PRDM16: variants seen among roughly 807,000 people sequenced by gnomAD.
PRDM16 encodes the protein histone-lysine N-methyltransferase PRDM16.
A neutral mutation model predicts 110.6 loss-of-function variants in PRDM16; 23 were observed. The ratio of observed to expected loss-of-function variants is 0.21; its 90% CI spans 0.15 to 0.29. The LOEUF is 0.29. Ranked by LOEUF, PRDM16 falls within the 10% of genes least tolerant of loss-of-function variation. The pLI, the probability that PRDM16 is intolerant of heterozygous loss-of-function variation, is 1.00. For missense variants in PRDM16, 1,615 were observed against 1,794.3 expected (o/e 0.90, Z 1.81); for synonymous variants, 799 against 781.8 (o/e 1.02, Z -0.37).
chr1:3,121,525 C>T (rs549129283), intron 1 of PRDM16, among the ~76,000 whole-genome samples: 6 of 152,212 alleles, frequency 3.9e-5, no homozygotes, highest in South Asian at 4.1e-4. Context: ...AGACTCCGAA[C>T]GTCGCCTGCC....
chr1:3,109,645 C>T (rs1468894541), intron 1 of PRDM16, among the ~76,000 whole-genome samples: 1 of 152,246 alleles, frequency 6.6e-6, no homozygotes, highest in Non-Finnish European at 1.5e-5. Flanking sequence ...ATCCGAACTC[C>T]TCCAGGAAAG....
Position 3,405,741 on chromosome 1 carries a change from G to A in PRDM16, c.1186+93G>A, listed in dbSNP as rs1052179221. 2.4e-5 allele frequency: 32 copies of A among 1,312,296 alleles called. No individual in the cohort carries two copies. In the Admixed American group the frequency reaches 4.3e-4, roughly 18 times the overall value. The allele number at this position is 1,312,296 out of a possible 1,614,324, so 81.3% of individuals were successfully genotyped here. ...TGGGCCATCCCCCAAGGTCTCCCCC[G>A]ATCCGAGGGGCCCCAGTTTGTTCAT... On this transcript the variant is annotated intron_variant, in intron 8 of 16. Transcript: ENST00000270722.
Position 3,244,089 on chromosome 1 carries a change from A to G in PRDM16, c.390A>G (p.Gln130=), listed in dbSNP as rs1191137350. ...CCCCTCTCAAAATTGTTTTGCAGCA[A>G]ATACTGACGGACGTGGAAGTGTCGC... The part of the protein sequence containing the change: ...AAKETDFGWE[Q]ILTDVEVSPQ... The change falls in exon 3 of 17, where the codon CAA becomes CAG. Residue 130 remains glutamine, a splice_region_variant and synonymous_variant. Coordinates refer to ENST00000270722, the MANE Select transcript of PRDM16 (RefSeq NM_022114.4). This position sits in a 1 kb window ranked among gnomAD's most constrained non-coding sequence, Gnocchi z 4.1. 1 of 1,613,980 alleles carries G rather than the reference A, an allele frequency of 6.2e-7. No homozygotes were observed. Among genetic ancestry groups the G allele is most frequent in the Admixed American group, 1.7e-5 (1 of 60,022 alleles).
intron 1 of PRDM16, among the ~76,000 whole-genome samples, chr1:3,092,708 A>G (rs1250612044): frequency 6.6e-6 from 1 of 151,684 alleles, no homozygotes; most frequent in Non-Finnish European, 1.5e-5. Context: ...CTGGCTGGGC[A>G]CCCCCGGTCT....
In PRDM16 at chr1:3,148,812, AAGTCCTTCT is replaced by A. The variant is rs1643726059; in HGVS notation, c.38-37310_38-37302del. Among the ~76,000 whole-genome samples, 1 of 152,216 alleles carries A rather than the reference AAGTCCTTCT, an allele frequency of 6.6e-6. No individual in the cohort carries two copies. The highest frequency in any genetic ancestry group is 1.5e-5 in the Non-Finnish European group (1 of 68,038). Reference sequence around the variant, plus strand: ...CCCCACTTTACTTAGCACATGTTGAAAGTCCTTCTAGAAAGCCAGGATGTTTGTTAATTT... The same window carrying A: ...CCCCACTTTACTTAGCACATGTTGAAAGAAAGCCAGGATGTTTGTTAATTT... On this transcript the variant is annotated intron_variant, in intron 1 of 16. Transcript: ENST00000270722. The surrounding 1 kb of genome is among the most constrained non-coding windows in gnomAD (Gnocchi z 5.0).
chr1:3,389,425 C>T (rs570692070), intron 4 of PRDM16, among the ~76,000 whole-genome samples: 3 of 152,324 alleles, frequency 2.0e-5, no homozygotes, highest in Middle Eastern at 3.4e-3. Context: ...ATCCCTATGG[C>T]GTGGGGCTGA....
chr1:3,104,527 T>A (rs895498420), intron 1 of PRDM16, among the ~76,000 whole-genome samples: 1 of 116,410 alleles, frequency 8.6e-6, no homozygotes, highest in African/African-American at 3.8e-5. Flanking sequence ...TCTGCCCCAG[T>A]GTTCACAAGG....
chr1:3,241,632 C>T (rs1305567451), intron 2 of PRDM16, among the ~76,000 whole-genome samples: 2 of 152,254 alleles, frequency 1.3e-5, no homozygotes, highest in African/African-American at 4.8e-5. Context: ...GCCAAGCCCA[C>T]GCACGGACCA....
intron 2 of PRDM16, among the ~76,000 whole-genome samples, chr1:3,223,103 CTTTTTTTT>C (rs1172383270): frequency 2.7e-5 from 2 of 73,994 alleles, no homozygotes; most frequent in African/African-American, 7.1e-5. Flanking sequence ...AAAATCAAGG[CTTTTTTTT>C]TTTTTTTTTT....
At chr1:3,323,878 C>T (rs527564873) in intron 3 of PRDM16, among the ~76,000 whole-genome samples, 1 of 152,222 alleles carries the variant, frequency 6.6e-6, no homozygotes, top group African/African-American at 2.4e-5. Flanking sequence ...CCCAGGGGCT[C>T]CCCCGGCTCT....
At chr1:3,135,951 G>T (rs1379077952) in intron 1 of PRDM16, among the ~76,000 whole-genome samples, 1 of 151,988 alleles carries the variant, frequency 6.6e-6, no homozygotes, top group African/African-American at 2.4e-5. Flanking sequence ...CTGGGCGCCC[G>T]GCTGGGGAGA....
At chr1:3,127,433 C>T (rs559433054) in intron 1 of PRDM16, among the ~76,000 whole-genome samples, 1 of 152,314 alleles carries the variant, frequency 6.6e-6, no homozygotes, top group South Asian at 2.1e-4. Context: ...GTGCAGCCAA[C>T]GTATTTCATT....
At chr1:3,340,406 T>C (rs1364957892) in intron 3 of PRDM16, among the ~76,000 whole-genome samples, 2 of 152,086 alleles carry the variant, frequency 1.3e-5, no homozygotes, top group Non-Finnish European at 2.9e-5. Context: ...ATCTCAGAGG[T>C]GCTGCAAAAC....
At chr1:3,198,522 G>A (rs1006270995) in intron 2 of PRDM16, among the ~76,000 whole-genome samples, 20 of 152,264 alleles carry the variant, frequency 1.3e-4, no homozygotes, top group Admixed American at 9.8e-4. Context: ...AGTGCTTGGC[G>A]TGGCACTGGG....
chr1:3,154,756 C>T (rs147893075), intron 1 of PRDM16, among the ~76,000 whole-genome samples: 3 of 152,312 alleles, frequency 2.0e-5, no homozygotes, highest in Admixed American at 1.3e-4. Flanking sequence ...ACCCCCAGGC[C>T]GTTCTCACTC....
At chr1:3,223,286 G>A (rs575308929) in intron 2 of PRDM16, among the ~76,000 whole-genome samples, 2 of 152,136 alleles carry the variant, frequency 1.3e-5, no homozygotes, top group Middle Eastern at 6.8e-3. Context: ...TCGCAGTGTT[G>A]ATTACGGAGT....
At chr1:3,415,365 G>C (rs575362637) in intron 10 of PRDM16, among the ~76,000 whole-genome samples, 8 of 152,368 alleles carry the variant, frequency 5.3e-5, no homozygotes, top group African/African-American at 1.7e-4. Context: ...CCTGAGGGTC[G>C]CACAGTGGGC....
intron 1 of PRDM16, among the ~76,000 whole-genome samples, chr1:3,169,121 G>T (rs1426616848): frequency 6.6e-6 from 1 of 152,166 alleles, no homozygotes. Context: ...GACAAGTGTG[G>T]TGTGTGGCCC....
chr1:3,308,011 T>C (rs551101866), intron 3 of PRDM16: 1 of 152,280 alleles, frequency 6.6e-6, no homozygotes, highest in Non-Finnish European at 1.5e-5. Flanking sequence ...CAGGTGTTTT[T>C]TTAGTCCCAC....
Sources: allele counts gnomAD v4.1 joint callset (sites outside exome capture counted in the v4.1 genomes callset), GRCh38; gene constraint gnomAD v4.1.1; non-coding constraint Gnocchi (gnomAD v3.1); transcripts MANE v1.5; gene names NCBI Gene and HGNC (gene_info 2026-07-23, HGNC 2026-07-21).